The following MTMR7 variants were observed in gnomAD, a reference collection of about 807,000 sequenced individuals.
MTMR7 encodes the protein myotubularin related protein 7, also known as phosphatidylinositol-3-phosphate phosphatase MTMR7.
In MTMR7, 76 loss-of-function variants were observed where a neutral mutation model predicts 81.2. The observed-to-expected ratio is 0.94, with a 90% confidence interval of 0.78 to 1.13. The LOEUF (loss-of-function observed/expected upper bound fraction) is 1.13, where lower values mean the gene tolerates loss of function less well. Ranked by LOEUF, MTMR7 falls within the 50% of genes most tolerant of loss-of-function variation. The probability of loss-of-function intolerance (pLI) is 0.00; values close to 1 mark genes in which losing one functional copy is unlikely to be tolerated. For missense variants in MTMR7, 1,044 were observed against 820.0 expected (o/e 1.27, Z -3.34); for synonymous variants, 372 against 289.8 (o/e 1.28, Z -2.88).
intron 1 of MTMR7, among the ~76,000 whole-genome samples, chr8:17,380,621 A>C (rs757877484): frequency 5.3e-5 from 8 of 151,724 alleles, no homozygotes; most frequent in Admixed American, 1.3e-4. Context: ...CCACCACCAC[A>C]GACAGGCAAA....
chr8:17,340,055 G>A (rs1050519232), intron 6 of MTMR7, among the ~76,000 whole-genome samples: 1 of 152,196 alleles, frequency 6.6e-6, no homozygotes, highest in Non-Finnish European at 1.5e-5. Context: ...GTGTTCAAGC[G>A]ATTCTCCCGC....
chr8:17,405,378 A>C (rs1821547557), intron 1 of MTMR7, among the ~76,000 whole-genome samples: 1 of 151,608 alleles, frequency 6.6e-6, no homozygotes, highest in African/African-American at 2.4e-5. Flanking sequence ...CTTCATATTG[A>C]CTCTCCACGC....
intron 4 of MTMR7, among the ~76,000 whole-genome samples, chr8:17,351,312 C>G (rs1214140902): frequency 6.6e-6 from 1 of 152,168 alleles, no homozygotes; most frequent in Non-Finnish European, 1.5e-5. Flanking sequence ...GAGATAAGCT[C>G]CTGCTAGGCC....
At chr8:17,332,960 TG>T (rs1210056308) in intron 6 of MTMR7, among the ~76,000 whole-genome samples, 9 of 152,170 alleles carry the variant, frequency 5.9e-5, no homozygotes, top group African/African-American at 2.2e-4. Context: ...TGGATGCCCC[TG>T]TAATCTTTCA....
intron 6 of MTMR7, chr8:17,338,796 C>T (rs900495496): frequency 2.0e-5 from 3 of 151,612 alleles, no homozygotes; most frequent in African/African-American, 7.3e-5. Context: ...AAGGAAGGGA[C>T]CCTTTACTTA....
Position 17,348,985 on chromosome 8 carries a change from G to C in MTMR7, c.565C>G (p.Pro189Ala). Residue 189 changes from proline (P) to alanine (A), a missense_variant, in exon 5 of 14, where the codon CCT becomes GCT. Pro to Ala is a conservative substitution (Grantham distance 27). Coordinates refer to ENST00000180173, the MANE Select transcript of MTMR7 (RefSeq NM_004686.5). ...SSKFRSRRRFPVLSYYYKDNH... is the reference protein window; with the variant it reads ...SSKFRSRRRFAVLSYYYKDNH... ...TCTTTATAATAGTAAGAAAGGACAGGAAATCGCCGTCTACTCCGGAATTTG... is the reference window on the plus strand; with the variant it reads ...TCTTTATAATAGTAAGAAAGGACAGCAAATCGCCGTCTACTCCGGAATTTG... The C allele has an allele frequency of 4.3e-6, 7 of 1,613,584 alleles. No homozygotes were observed. The highest frequency in any genetic ancestry group is 5.9e-6 in the Non-Finnish European group (7 of 1,179,944).
intron 11 of MTMR7, among the ~76,000 whole-genome samples, chr8:17,305,163 T>G (rs764576823): frequency 5.3e-5 from 8 of 152,222 alleles, no homozygotes; most frequent in African/African-American, 9.6e-5. Flanking sequence ...TCCATTTCAT[T>G]TGAACTGATC....
At chr8:17,343,366 T>C (rs1353456869) in intron 5 of MTMR7, among the ~76,000 whole-genome samples, 1 of 151,684 alleles carries the variant, frequency 6.6e-6, no homozygotes, top group Non-Finnish European at 1.5e-5. Flanking sequence ...ACAGGCAGAG[T>C]TTGCAGTGCA....
chr8:17,302,410 A>C (rs1033871295), intron 12 of MTMR7, 130 bp from the exon 13 acceptor site: 9 of 991,864 alleles, frequency 9.1e-6, no homozygotes, highest in South Asian at 2.0e-5. Flanking sequence ...GCCTCAAAAA[A>C]GCCACTACTT....
chr8:17,407,110 C>T (rs977195544), intron 1 of MTMR7, among the ~76,000 whole-genome samples: 4 of 151,974 alleles, frequency 2.6e-5, no homozygotes, highest in Non-Finnish European at 5.9e-5. Context: ...AAATTTTATG[C>T]TAGGTAAATT....
chr8:17,322,552 G>A (rs949771895), intron 7 of MTMR7, among the ~76,000 whole-genome samples: 6 of 152,192 alleles, frequency 3.9e-5, no homozygotes, highest in Non-Finnish European at 8.8e-5. Context: ...GGGCACATTG[G>A]GTCATGCCTG....
In MTMR7 at chr8:17,349,034, C is replaced by T. The variant is rs569309997; in HGVS notation, c.516G>A (p.Thr172=). The change falls in exon 5 of 14, where the codon ACG becomes ACA. Residue 172 remains threonine (T), a synonymous_variant. Coordinates refer to ENST00000180173, the MANE Select transcript of MTMR7 (RefSeq NM_004686.5). ...TGGAACTCCCCACTATGATGTGTGC[C>T]GTGGCCGATTTGGGAACGTACAGTT... ...PTELYVPKSA[T]AHIIVGSSKF... 7 of 1,612,714 alleles carry T rather than the reference C, an allele frequency of 4.3e-6. No individual in the cohort carries two copies. Among genetic ancestry groups the T allele is most frequent in the South Asian group, 3.3e-5 (3 of 90,930 alleles).
chr8:17,398,308 G>A (rs1821320395), intron 1 of MTMR7, among the ~76,000 whole-genome samples: 2 of 152,122 alleles, frequency 1.3e-5, no homozygotes, highest in African/African-American at 4.8e-5. Context: ...TTAACACAGG[G>A]AAGGAACTCA....
Position 17,299,877 on chromosome 8 carries a change from C to T in MTMR7, c.1968G>A (p.Val656=), listed in dbSNP as rs376602011. ...SGKDRDSDEA[V]FLTA Reference sequence around the variant, plus strand: ...AAGGGAAACTTCAGGCAGTGAGAAACACGGCTTCATCAGAATCCCGGTCCT... The same window carrying T: ...AAGGGAAACTTCAGGCAGTGAGAAATACGGCTTCATCAGAATCCCGGTCCT... Residue 656 remains valine, a synonymous_variant, in exon 14 of 14, where the codon GTG becomes GTA. Coordinates refer to ENST00000180173, the MANE Select transcript of MTMR7 (RefSeq NM_004686.5). 1.1e-4 allele frequency: 179 copies of T among 1,613,924 alleles called. No individual in the cohort carries two copies. Among genetic ancestry groups the T allele is most frequent in the Non-Finnish European group, 1.4e-4 (170 of 1,179,962 alleles).
At chr8:17,378,415 GAGTT>G (rs1459049406) in intron 1 of MTMR7, among the ~76,000 whole-genome samples, 4 of 152,192 alleles carry the variant, frequency 2.6e-5, no homozygotes, top group African/African-American at 9.6e-5. Flanking sequence ...ATAAATTTCA[GAGTT>G]TGGGCACCAT....
intron 1 of MTMR7, among the ~76,000 whole-genome samples, chr8:17,387,259 T>C (rs1267551004): frequency 6.6e-6 from 1 of 152,218 alleles, no homozygotes; most frequent in East Asian, 1.9e-4. Flanking sequence ...TACCAATATC[T>C]ATTTAGCCTG....
chr8:17,361,093 A>C (rs1354081844), intron 4 of MTMR7, 24 bp downstream of exon 4: 1 of 1,613,254 alleles, frequency 6.2e-7, no homozygotes, highest in Non-Finnish European at 8.5e-7. Context: ...ATGCGGCTTC[A>C]GTGTTTGGGT....
At chr8:17,350,297 G>C (rs1255199068) in intron 4 of MTMR7, among the ~76,000 whole-genome samples, 2 of 152,190 alleles carry the variant, frequency 1.3e-5, no homozygotes, top group African/African-American at 4.8e-5. Context: ...TTGAGACTGG[G>C]TAATTTATAA....
chr8:17,380,486 C>G (rs1184794903), intron 1 of MTMR7, among the ~76,000 whole-genome samples: 1 of 151,858 alleles, frequency 6.6e-6, no homozygotes, highest in Non-Finnish European at 1.5e-5. Flanking sequence ...TCCAACCTTT[C>G]GGCTTCCCTG....
Sources: gnomAD v4.1 joint callset for allele counts (sites outside exome capture counted in the v4.1 genomes callset) on GRCh38, gnomAD v4.1.1 for gene constraint, MANE v1.5 for transcripts, NCBI Gene and HGNC (gene_info 2026-07-23, HGNC 2026-07-21) for gene names.